The following NFIB variants were observed in gnomAD, a reference collection of about 807,000 sequenced individuals.
NFIB encodes nuclear factor 1 B-type.
In NFIB, 11 loss-of-function variants were observed where a neutral mutation model predicts 61.5. The ratio of observed to expected loss-of-function variants is 0.18; its 90% CI spans 0.11 to 0.30. The LOEUF is 0.30. Ranked by LOEUF, NFIB falls within the 10% of genes least tolerant of loss-of-function variation. NFIB has a pLI of 1.00. For missense variants in NFIB, 471 were observed against 608.9 expected, an observed-to-expected ratio of 0.77 and a Z score of 2.38; for synonymous variants, 260 against 216.5, an observed-to-expected ratio of 1.20 and a Z score of -1.76.
upstream of NFIB, among the ~76,000 whole-genome samples, chr9:14,315,716 G>C (rs1173049975): frequency 2.0e-5 from 3 of 151,392 alleles, 1 homozygote; most frequent in Non-Finnish European, 4.4e-5. Context: ...AAGGCGGTTC[G>C]CCTTGCACCC....
chr9:14,143,998 G>GTGTGTGTGTGTC (rs2042026223), intron 6 of NFIB, among the ~76,000 whole-genome samples: 1 of 145,026 alleles, frequency 6.9e-6, no homozygotes, highest in Non-Finnish European at 1.5e-5. Flanking sequence ...CAGAGTGTGT[G>GTGTGTGTGTGTC]TGTGTGTGTG....
At chr9:14,123,298 C>A (rs902917886) in intron 7 of NFIB, among the ~76,000 whole-genome samples, 4 of 151,228 alleles carry the variant, frequency 2.6e-5, no homozygotes, top group Non-Finnish European at 5.9e-5. Flanking sequence ...AAGTAAAATA[C>A]AAGACAAAAA....
chr9:14,347,047 C>T (rs1252457260), intron 1 of NFIB, among the ~76,000 whole-genome samples: 1 of 151,900 alleles, frequency 6.6e-6, no homozygotes, highest in Non-Finnish European at 1.5e-5. Context: ...CCCCTGGCCC[C>T]CACTCGGGAG....
intron 2 of NFIB, among the ~76,000 whole-genome samples, chr9:14,218,568 A>G (rs56254215): frequency 1.4e-4 from 21 of 152,302 alleles, no homozygotes; most frequent in African/African-American, 5.0e-4. Flanking sequence ...ATGACTATAG[A>G]TGTCACCCAA....
chr9:14,386,167 T>C (rs2061547080), intron 1 of NFIB, among the ~76,000 whole-genome samples: 1 of 152,214 alleles, frequency 6.6e-6, no homozygotes, highest in Non-Finnish European at 1.5e-5. Context: ...TTTGAGTATA[T>C]ATTACATACA....
chr9:14,457,028 T>C, the NFIB span, among the ~76,000 whole-genome samples: 1 of 152,136 alleles, frequency 6.6e-6, no homozygotes. Context: ...CAATTCTAAA[T>C]ACTGACATAA....
intron 2 of NFIB, among the ~76,000 whole-genome samples, chr9:14,220,457 T>C (rs780789690): frequency 2.0e-5 from 3 of 152,162 alleles, no homozygotes; most frequent in Non-Finnish European, 2.9e-5. Context: ...GAGAGGCATC[T>C]TTACCACAAG....
At position 14,333,559 on chromosome 9, in the gene NFIB, C is replaced by G. The variant is rs1339981821; in HGVS notation, c.109-26039G>C. On this transcript the variant is annotated intron_variant, in intron 1 of 8. Coordinates refer to the NFIB transcript ENST00000380934. Reference sequence around the variant, plus strand: ...TAGTTCAACTACTCCACACTATAGCCTGGTCAAAACTTAGTCACTGAAAAG... The same window carrying G: ...TAGTTCAACTACTCCACACTATAGCGTGGTCAAAACTTAGTCACTGAAAAG... Among the ~76,000 whole-genome samples, 4 of 152,184 alleles carry G rather than the reference C, an allele frequency of 2.6e-5. No individual in the cohort carries two copies. The East Asian group carries it at 7.7e-4, about 29-fold the overall frequency.
chr9:14,187,027 A>ATATGTGTG (rs1491093222), intron 2 of NFIB, among the ~76,000 whole-genome samples: 94 of 61,042 alleles, frequency 1.5e-3, no homozygotes, highest in African/African-American at 3.3e-3. Flanking sequence ...GTGTGTGTGT[A>ATATGTGTG]TGTGTGTGTG....
In NFIB at chr9:14,175,163, A is replaced by ATTTTTTTTTTTTTTTT. The variant is rs375736787; in HGVS notation, c.616+4563_616+4564insAAAAAAAAAAAAAAAA. Among the ~76,000 whole-genome samples, 4 of 102,104 alleles carry ATTTTTTTTTTTTTTTT rather than the reference A, an allele frequency of 3.9e-5. 1 individual carries two copies. Among genetic ancestry groups the ATTTTTTTTTTTTTTTT allele is most frequent in the Non-Finnish European group, 7.5e-5 (4 of 53,088 alleles). 67.0% of individuals were successfully genotyped at this position (102,104 alleles called of 152,430 possible). A position where few individuals can be genotyped will look rare whatever the true frequency, so the allele number is the denominator to read the frequency against. ...TCTCAAAATTTTTATGACTTAAAGA[A>ATTTTTTTTTTTTTTTT]TTTCTTTTTTTTTTTTTTTTTTTTG... On this transcript the variant is annotated intron_variant, in intron 3 of 10. Coordinates refer to ENST00000380953, the MANE Select transcript of NFIB (RefSeq NM_001190737.2).
intron 2 of NFIB, chr9:14,204,936 A>G: frequency 2.9e-6 from 1 of 350,314 alleles, no homozygotes; most frequent in Non-Finnish European, 5.5e-6. Context: ...GACAGAGCCA[A>G]TGAGATCCGT....
chr9:14,531,361 C>A, the NFIB span, among the ~76,000 whole-genome samples: 3 of 152,156 alleles, frequency 2.0e-5, no homozygotes, highest in Non-Finnish European at 4.4e-5. Context: ...ATATGCATAT[C>A]CTCATTAACT....
At position 14,086,286 on chromosome 9, in the gene NFIB, A is replaced by C. The variant is rs1248411568; in HGVS notation, c.*2023T>G. ...GTATATTAAAAAAAATCCCCTGTCC[A>C]TCTCTCAGTACACAAAAGGACCTCA... On this transcript the variant is annotated 3_prime_UTR_variant, in exon 11 of 11. Coordinates refer to ENST00000380953, the MANE Select transcript of NFIB (RefSeq NM_001190737.2). The C allele has an allele frequency of 4.5e-6, 1 of 220,150 alleles. No individual in the cohort carries two copies. The highest frequency in any genetic ancestry group is 9.1e-6 in the Non-Finnish European group (1 of 109,632). 13.6% of individuals were successfully genotyped at this position (220,150 alleles called of 1,614,324 possible). A position where few individuals can be genotyped will look rare whatever the true frequency, so the allele number is the denominator to read the frequency against.
the NFIB span, among the ~76,000 whole-genome samples, chr9:14,500,801 T>C: frequency 6.6e-6 from 1 of 152,198 alleles, no homozygotes; most frequent in East Asian, 1.9e-4. Context: ...CTTGGGACTC[T>C]CACGCATTTC....
chr9:14,457,774 G>A, the NFIB span, among the ~76,000 whole-genome samples: 1 of 152,090 alleles, frequency 6.6e-6, no homozygotes, highest in Non-Finnish European at 1.5e-5. Flanking sequence ...TAGAAGAAAT[G>A]GATAAATTGC....
chr9:14,438,487 G>C, the NFIB span, among the ~76,000 whole-genome samples: 1 of 152,188 alleles, frequency 6.6e-6, no homozygotes, highest in Non-Finnish European at 1.5e-5. Flanking sequence ...ACTGCCTGGA[G>C]TGATTTTCCC....
At chr9:14,496,032 G>A in the NFIB span, among the ~76,000 whole-genome samples, 1 of 152,170 alleles carries the variant, frequency 6.6e-6, no homozygotes, top group Non-Finnish European at 1.5e-5. Context: ...GCTGTTGTGA[G>A]ATATAAATGA....
intron 10 of NFIB, among the ~76,000 whole-genome samples, chr9:14,098,930 A>G (rs1183746008): frequency 1.3e-5 from 2 of 152,182 alleles, no homozygotes; most frequent in Admixed American, 6.5e-5. Context: ...TTTGGTTCCT[A>G]AGGGAATGCT....
intron 2 of NFIB, among the ~76,000 whole-genome samples, chr9:14,236,418 T>G (rs771506972): frequency 3.9e-5 from 6 of 152,216 alleles, no homozygotes; most frequent in Non-Finnish European, 8.8e-5. Context: ...TGCTTATGTT[T>G]GTAATTACCA....
Sources: gnomAD v4.1 joint callset for allele counts (sites outside exome capture counted in the v4.1 genomes callset) on GRCh38, gnomAD v4.1.1 for gene constraint, MANE v1.5 for transcripts, NCBI Gene and HGNC (gene_info 2026-07-23, HGNC 2026-07-21) for gene names.